The following TUBGCP5 variants were observed in gnomAD, a reference collection of about 807,000 sequenced individuals.
The protein encoded by TUBGCP5 is tubulin gamma complex component 5, also known as gamma-tubulin complex component 5.
A neutral mutation model predicts 134.7 loss-of-function variants in TUBGCP5; 98 were observed. The observed-to-expected ratio is 0.73, with a 90% CI of 0.62 to 0.86. The LOEUF (loss-of-function observed/expected upper bound fraction) is 0.86, where lower values mean the gene tolerates loss of function less well. Among genes scored for constraint, TUBGCP5 ranks in the 40% least tolerant of loss-of-function variants. The pLI is 0.00. For synonymous variants in TUBGCP5, 456 were observed against 431.4 expected (o/e 1.06, Z -0.71); for missense variants, 1,150 against 1,244.8 (o/e 0.92, Z 1.15).
intron 23 of TUBGCP5, among the ~76,000 whole-genome samples, chr15:22,989,121 A>G (rs1035249268): frequency 1.3e-5 from 2 of 152,112 alleles, no homozygotes; most frequent in African/African-American, 4.8e-5. Flanking sequence ...ATGCAGGGTA[A>G]CGTCTCTATC....
Position 22,999,697 on chromosome 15 carries a change from G to A in TUBGCP5, c.*123C>T. On this transcript the variant is annotated 3_prime_UTR_variant, in exon 23 of 23. Transcript: ENST00000615383. ...ATTAGAGGCATGAGCGACTGTGCCA[G>A]GCTGACTGTGGACAAGTTTTACAAA... is the stretch of plus-strand genomic sequence containing the variant. The A allele has an allele frequency of 1.8e-6, 2 of 1,095,588 alleles. No individual in the cohort carries two copies. The highest frequency in any genetic ancestry group is 2.7e-5 in the South Asian group (2 of 73,400). 67.9% of individuals were successfully genotyped at this position (1,095,588 alleles called of 1,614,324 possible). A position where few individuals can be genotyped will look rare whatever the true frequency, so the allele number is the denominator to read the frequency against.
chr15:22,985,192 T>G (rs1261791870), intron 23 of TUBGCP5, among the ~76,000 whole-genome samples: 2 of 150,218 alleles, frequency 1.3e-5, no homozygotes, highest in Non-Finnish European at 1.5e-5. Context: ...GCACAAAAAC[T>G]TGTATAATTA....
chr15:23,024,055 T>G lies in TUBGCP5; in HGVS notation c.1060A>C (p.Thr354Pro), dbSNP rs1224924848. 1 of 1,614,070 alleles carries G rather than the reference T, an allele frequency of 6.2e-7. No individual in the cohort carries two copies. Among genetic ancestry groups the G allele is most frequent in the African/African-American group, 1.3e-5 (1 of 74,918 alleles). ...PGSGSVPKKS[T>P]EAPFRTYQAF... ...TGGTAGGTTCTAAAGGGAGCTTCAGTTGACTTCTTAGGAACAGACCCACTT... is the reference window on the plus strand; with the variant it reads ...TGGTAGGTTCTAAAGGGAGCTTCAGGTGACTTCTTAGGAACAGACCCACTT... Residue 354 changes from threonine to proline, a missense_variant, in exon 10 of 23, where the codon ACT becomes CCT. This residue lies in a region of TUBGCP5 where 697 missense variants were observed against 850.1 expected (regional missense o/e 0.82). Transcript: ENST00000615383.
In TUBGCP5 at chr15:23,039,380, G is replaced by A. The variant is rs1382481949; in HGVS notation, c.146+18C>T. 1.4e-6 allele frequency: 2 copies of A among 1,416,754 alleles called. No individual in the cohort carries two copies. The highest frequency in any genetic ancestry group is 1.9e-6 in the Non-Finnish European group (2 of 1,072,486). The allele number at this position is 1,416,754 out of a possible 1,614,324, so 87.8% of individuals were successfully genotyped here. Reference sequence around the variant, plus strand: ...CCGGGCTGTGGCCGGGAACCCGCCCGCGCGCCGTGCCCCACACCTGAAGTT... The same window carrying A: ...CCGGGCTGTGGCCGGGAACCCGCCCACGCGCCGTGCCCCACACCTGAAGTT... On this transcript the variant is annotated intron_variant, in intron 1 of 22. Coordinates refer to ENST00000615383, the MANE Select transcript of TUBGCP5 (RefSeq NM_052903.6).
At chr15:23,008,584 T>C in intron 16 of TUBGCP5, 115 bp downstream of exon 16, 1 of 1,282,936 alleles carries the variant, frequency 7.8e-7, no homozygotes, top group Non-Finnish European at 1.1e-6. Flanking sequence ...TAAAATAATA[T>C]TAGTAAAACT....
In TUBGCP5 at chr15:23,017,886, A is replaced by C. The variant is rs1349989747; in HGVS notation, c.1643T>G (p.Met548Arg). Residue 548 changes from methionine (M) to arginine (R), a missense_variant, in exon 13 of 23, where the codon ATG becomes AGG. Met to Arg is a moderately conservative substitution (Grantham distance 91, BLOSUM62 -1). Around this residue, in one of 2 missense-constraint regions of TUBGCP5, gnomAD observed 697 missense variants for 850.1 expected, o/e 0.82. Coordinates refer to ENST00000615383, the MANE Select transcript of TUBGCP5 (RefSeq NM_052903.6). Reference sequence around the variant, plus strand: ...CAGGACAGGTTTGAGGAAGGACACCATGGTGTGCTGCCTGCTGGAGGGCCC... The same window carrying C: ...CAGGACAGGTTTGAGGAAGGACACCCTGGTGTGCTGCCTGCTGGAGGGCCC... ...DQGPSSRQHT[M>R]VSFLKPVLKQ... 3 of 1,614,042 alleles carry C rather than the reference A, an allele frequency of 1.9e-6. No homozygotes were observed. The highest frequency in any genetic ancestry group is 2.5e-6 in the Non-Finnish European group (3 of 1,180,016).
At chr15:23,034,883 A>G (rs1034367921) in intron 3 of TUBGCP5, among the ~76,000 whole-genome samples, 2 of 152,160 alleles carry the variant, frequency 1.3e-5, no homozygotes, top group African/African-American at 4.8e-5. Context: ...AATAATAAAA[A>G]TGGCAAAACC....
At chr15:23,010,301 G>C (rs1452065801) in intron 14 of TUBGCP5, among the ~76,000 whole-genome samples, 168 bp from the exon 15 acceptor site, 1 of 152,206 alleles carries the variant, frequency 6.6e-6, no homozygotes, top group Non-Finnish European at 1.5e-5. Context: ...CCAGTCTCTT[G>C]AAGTTGCCAC....
Position 23,008,784 on chromosome 15 carries a change from C to T in TUBGCP5, c.2242G>A (p.Glu748Lys). The T allele has an allele frequency of 1.9e-6, 3 of 1,605,950 alleles. No homozygotes were observed. Among genetic ancestry groups the T allele is most frequent in the Non-Finnish European group, 2.5e-6 (3 of 1,178,206 alleles). The change falls in exon 16 of 23, where the codon GAA becomes AAA. Residue 748 changes from glutamate (E) to lysine (K), a missense_variant. Physicochemically the swap from Glu to Lys is moderately conservative, Grantham distance 56 (BLOSUM62 1). Transcript: ENST00000615383. ...FYTSIFDKIR[E>K]KETWQNVSFL... ...GACACATTCTGCCATGTTTCCTTTT[C>T]TCTTATTTTATCAAAAATTGACGTG... is the stretch of plus-strand genomic sequence containing the variant.
intron 22 of TUBGCP5, chr15:23,000,211 G>A: frequency 3.5e-6 from 4 of 1,133,126 alleles, no homozygotes; most frequent in East Asian, 3.9e-5. Context: ...CAGGCCAGGA[G>A]CTTTAAATTC....
chr15:23,002,808 T>A (rs989676324), intron 21 of TUBGCP5, among the ~76,000 whole-genome samples: 1 of 151,824 alleles, frequency 6.6e-6, no homozygotes, highest in East Asian at 2.0e-4. Flanking sequence ...ATGAGTATAA[T>A]CTAAAAATGT....
At chr15:22,986,440 C>G (rs1275857654) in intron 23 of TUBGCP5, among the ~76,000 whole-genome samples, 4 of 151,984 alleles carry the variant, frequency 2.6e-5, no homozygotes, top group African/African-American at 9.7e-5. Context: ...TCACTGGTGA[C>G]AGAAGTCAGA....
rs2066384418 is a variant in TUBGCP5 at position 23,032,754 on chromosome 15, A to G, written c.380T>C (p.Val127Ala). ...CACTTCTTTATTTCTTGGTGTCTCC[A>G]CATAACTGCTGTTTGAAGGAGAGTC... Reference protein sequence around the residue: ...LSDSPSNSSYVETPRNKEVEK... With the variant: ...LSDSPSNSSYAETPRNKEVEK... The change falls in exon 4 of 23, where the codon GTG becomes GCG. Residue 127 changes from valine to alanine, a missense_variant. By Grantham distance (64) the Val-to-Ala change is moderately conservative. Around this residue, in one of 2 missense-constraint regions of TUBGCP5, gnomAD observed 453 missense variants for 394.7 expected, o/e 1.15. Transcript: ENST00000615383. The G allele has an allele frequency of 1.9e-6, 3 of 1,592,630 alleles. No homozygotes were observed. The highest frequency in any genetic ancestry group is 3.6e-5 in the Admixed American group (2 of 55,374).
chr15:22,990,215 T>A (rs1332712188), intron 23 of TUBGCP5, among the ~76,000 whole-genome samples: 1 of 151,734 alleles, frequency 6.6e-6, no homozygotes. Flanking sequence ...CCCATATCCA[T>A]CAGCACTCCC....
chr15:22,986,147 A>AAAAAAAAAAT (rs1555430356), intron 23 of TUBGCP5, among the ~76,000 whole-genome samples: 1 of 132,824 alleles, frequency 7.5e-6, no homozygotes, highest in Non-Finnish European at 1.6e-5. Context: ...AAAAAAAAAA[A>AAAAAAAAAAT]AATAATAATA....
downstream of TUBGCP5, among the ~76,000 whole-genome samples, chr15:22,995,348 G>A (rs1000199392): frequency 2.6e-5 from 4 of 151,900 alleles, no homozygotes; most frequent in African/African-American, 9.7e-5. Flanking sequence ...AAAAACAGAA[G>A]TGACCCCTGG....
At chr15:23,021,844 C>G (rs1005610762) in intron 11 of TUBGCP5, 115 bp downstream of exon 11, 1 of 1,152,874 alleles carries the variant, frequency 8.7e-7, no homozygotes, top group African/African-American at 1.5e-5. Context: ...TTTAAAAACT[C>G]TGAACTGTCT....
intron 19 of TUBGCP5, 87 bp from the exon 20 acceptor site, chr15:23,004,314 T>C: frequency 1.4e-6 from 2 of 1,476,210 alleles, no homozygotes; most frequent in South Asian, 2.5e-5. Flanking sequence ...TAAGCTCTTC[T>C]ACTCCTCTCA....
rs369285564 is a variant in TUBGCP5, at chr15:22,987,882, C to A, written c.*62-4271G>T. On this transcript the variant is annotated intron_variant and NMD_transcript_variant, in intron 23 of 23. Transcript: ENST00000614508. ...CCACACTCCAGCCTGGGTGACAGAG[C>A]GAGACTCCATCTCAAAAAAAAAAAA... 4.3e-5 allele frequency among the ~76,000 whole-genome samples: 5 copies of A among 115,566 alleles called. No individual in the cohort carries two copies. In the Admixed American group the frequency reaches 4.8e-4, roughly 11 times the overall value. 75.8% of individuals were successfully genotyped at this position (115,566 alleles called of 152,430 possible).
Sources: allele counts gnomAD v4.1 joint callset (sites outside exome capture counted in the v4.1 genomes callset), GRCh38; gene constraint gnomAD v4.1.1; regional missense constraint gnomAD v4.1.1; transcripts MANE v1.5; gene names NCBI Gene and HGNC (gene_info 2026-07-23, HGNC 2026-07-21).